SPTB: variants seen among roughly 807,000 people sequenced by gnomAD.
SPTB encodes the protein spectrin beta, erythrocytic.
A neutral mutation model predicts 256.2 loss-of-function variants in SPTB; 45 were observed. The observed-to-expected ratio is 0.18, with a 90% CI of 0.14 to 0.23. The LOEUF is 0.23. SPTB is among the 10% of genes least tolerant of loss of function. The pLI is 1.00. For synonymous variants in SPTB, 1,231 were observed against 1,243.1 expected (o/e 0.99, Z 0.21); for missense variants, 2,715 against 3,040.4 (o/e 0.89, Z 2.52).
At chr14:64,794,641 G>A in intron 12 of SPTB, 24 bp from the exon 13 acceptor site, 2 of 1,611,402 alleles carry the variant, frequency 1.2e-6, no homozygotes, top group Non-Finnish European at 1.7e-6. Context: ...CAGCAGAAAG[G>A]AAATGAGGAG....
intron 1 of SPTB, among the ~76,000 whole-genome samples, chr14:64,855,614 A>G (rs2083860693): frequency 5.9e-5 from 1 of 16,872 alleles, no homozygotes; most frequent in African/African-American, 1.9e-4. Flanking sequence ...AACACAATGT[A>G]ATTCCTGAGA....
At chr14:64,761,698 C>T (rs954744059) in intron 32 of SPTB, among the ~76,000 whole-genome samples, 1 of 152,142 alleles carries the variant, frequency 6.6e-6, no homozygotes, top group African/African-American at 2.4e-5. Flanking sequence ...GAGGCTTCCT[C>T]GGGAGCTGTC....
At chr14:64,769,386 T>C (rs1389926041) in intron 28 of SPTB, among the ~76,000 whole-genome samples, 1 of 152,190 alleles carries the variant, frequency 6.6e-6, no homozygotes, top group African/African-American at 2.4e-5. Flanking sequence ...TCTCCGTTAC[T>C]GAGTGGCCAG....
In SPTB at chr14:64,778,389, TCTCCTTG is replaced by T. The variant is rs2082398902; in HGVS notation, c.4563+761_4563+767del. On this transcript the variant is annotated intron_variant, in intron 22 of 35. Coordinates refer to ENST00000644917, the MANE Select transcript of SPTB (RefSeq NM_001355436.2). This position sits in a 1 kb window ranked among gnomAD's most constrained non-coding sequence, Gnocchi z 5.2. ...TTATCTGGGATCTAAGTTCCTGGGC[TCTCCTTG>T]CTGACCCAGAGAGCATGCAGAGGGA... Among the ~76,000 whole-genome samples the T allele has an allele frequency of 2.0e-5, 3 of 152,110 alleles. No individual in the cohort carries two copies. The highest frequency in any genetic ancestry group is 4.4e-5 in the Non-Finnish European group (3 of 68,022).
chr14:64,749,189 C>A lies in SPTB; in HGVS notation c.*117G>T, dbSNP rs996925338. ...CAGTGCAGCGTGGGGCCCGGGGGCC[C>A]GGCCCGCGACTCGACTCATCTCGAT... On this transcript the variant is annotated 3_prime_UTR_variant, in exon 36 of 36. Transcript: ENST00000644917. This position sits in a 1 kb window ranked among gnomAD's most constrained non-coding sequence, Gnocchi z 4.7. The A allele has an allele frequency of 3.8e-6, 5 of 1,299,964 alleles. No individual in the cohort carries two copies. Among genetic ancestry groups the A allele is most frequent in the Non-Finnish European group, 5.3e-6 (5 of 949,972 alleles). The allele number at this position is 1,299,964 out of a possible 1,614,324, so 80.5% of individuals were successfully genotyped here.
Position 64,825,628 on chromosome 14 carries a change from G to A in SPTB, c.-51-2483C>T, listed in dbSNP as rs2083368081. 1.3e-5 allele frequency among the ~76,000 whole-genome samples: 2 copies of A among 152,226 alleles called. No homozygotes were observed. Among genetic ancestry groups the A allele is most frequent in the Non-Finnish European group, 2.9e-5 (2 of 68,042 alleles). On this transcript the variant is annotated intron_variant, in intron 1 of 35. Coordinates refer to ENST00000644917, the MANE Select transcript of SPTB (RefSeq NM_001355436.2). This position sits in a 1 kb window ranked among gnomAD's most constrained non-coding sequence, Gnocchi z 4.8. Reference sequence around the variant, plus strand: ...GAGGTGAGGTGAGATCAGACCCTGAGTGCAGGAAGTAACCGGACCCTGGCT... The same window carrying A: ...GAGGTGAGGTGAGATCAGACCCTGAATGCAGGAAGTAACCGGACCCTGGCT...
chr14:64,801,237 C>T, intron 7 of SPTB, 48 bp downstream of exon 7: 1 of 1,504,120 alleles, frequency 6.6e-7, no homozygotes, highest in Non-Finnish European at 9.2e-7. Flanking sequence ...ACAGCGAGTG[C>T]ATCCCCCACT....
Position 64,764,336 on chromosome 14 carries a change from G to A in SPTB, c.6345+2390C>T, listed in dbSNP as rs529281114. Among the ~76,000 whole-genome samples the A allele has an allele frequency of 6.6e-6, 1 of 152,342 alleles. No homozygotes were observed. The highest frequency in any genetic ancestry group is 1.9e-4 in the East Asian group (1 of 5,182). On this transcript the variant is annotated intron_variant, in intron 32 of 35. Transcript: ENST00000644917. This position sits in a 1 kb window ranked among gnomAD's most constrained non-coding sequence, Gnocchi z 4.2. ...GTATTAGGCCCTCCCTCTGAGGTTCGTGGATCCCCATGAGAACTTAACAAA... is the reference window on the plus strand; with the variant it reads ...GTATTAGGCCCTCCCTCTGAGGTTCATGGATCCCCATGAGAACTTAACAAA...
chr14:64,799,782 G>A lies in SPTB; in HGVS notation c.1029C>T (p.Ala343=). The change falls in exon 9 of 36, where the codon GCC becomes GCT. Residue 343 remains alanine, a synonymous_variant. Coordinates refer to ENST00000644917, the MANE Select transcript of SPTB (RefSeq NM_001355436.2). The part of the protein sequence containing the change: ...SLTGVQQQLQ[A]FSTYRTVEKP... ...TCTCCACGGTGCGGTAGGTGCTGAAGGCCTGCAGCTGCTGCTGGACGCCCG... is the reference window on the plus strand; with the variant it reads ...TCTCCACGGTGCGGTAGGTGCTGAAAGCCTGCAGCTGCTGCTGGACGCCCG... 1 of 1,614,212 alleles carries A rather than the reference G, an allele frequency of 6.2e-7. No individual in the cohort carries two copies. The highest frequency in any genetic ancestry group is 8.5e-7 in the Non-Finnish European group (1 of 1,180,028).
chr14:64,818,400 A>T (rs1418226493), intron 2 of SPTB, among the ~76,000 whole-genome samples: 2 of 151,904 alleles, frequency 1.3e-5, no homozygotes, highest in East Asian at 3.9e-4. Context: ...AAGGCAGGGG[A>T]GTGGAAGGAG....
Position 64,786,950 on chromosome 14 carries a change from G to A in SPTB, c.3015C>T (p.Ala1005=), listed in dbSNP as rs147235045. The part of the protein sequence containing the change: ...RKLSGLERDV[A]AIQARVDALE... The stretch of plus-strand genomic sequence containing the variant: ...GGGCATCCACACGGGCCTGGATGGC[G>A]GCCACGTCACGCTCCAGCCCTGACA... The change falls in exon 16 of 36, where the codon GCC becomes GCT. Residue 1005 remains alanine (A), a synonymous_variant. Transcript: ENST00000644917. The surrounding 1 kb of genome is among the most constrained non-coding windows in gnomAD (Gnocchi z 5.6). The A allele has an allele frequency of 1.5e-3, 2,468 of 1,613,784 alleles. 5 individuals are homozygous for A. The highest frequency in any genetic ancestry group is 3.5e-3 in the Middle Eastern group (21 of 6,062).
chr14:64,791,894 C>A, intron 14 of SPTB, 38 bp from the exon 15 acceptor site: 1 of 1,613,162 alleles, frequency 6.2e-7, no homozygotes, highest in South Asian at 1.1e-5. Flanking sequence ...ATGGGTGAGG[C>A]GGCAGCAGAC....
Position 64,766,818 on chromosome 14 carries a change from C to T in SPTB, c.6270-17G>A, listed in dbSNP as rs1422043733. The stretch of plus-strand genomic sequence containing the variant: ...TCTTGAGGCCTAAGGAAGACACAGT[C>T]TCTCTTTAGAAACAAGCACCCCTCT... On this transcript the variant is annotated splice_polypyrimidine_tract_variant and intron_variant, in intron 31 of 35. Transcript: ENST00000644917. The T allele has an allele frequency of 1.9e-6, 3 of 1,609,194 alleles. No individual in the cohort carries two copies. The highest frequency in any genetic ancestry group is 3.3e-4 in the Middle Eastern group (2 of 6,046).
At chr14:64,831,347 A>T (rs1566792200) in intron 1 of SPTB, among the ~76,000 whole-genome samples, 1 of 152,178 alleles carries the variant, frequency 6.6e-6, no homozygotes, top group African/African-American at 2.4e-5. Flanking sequence ...CCTTCTTACC[A>T]TCTTCTCTCT....
rs1280549986 is a variant in SPTB, at chr14:64,786,306, G to C, written c.3561+98C>G. 6.7e-7 allele frequency: 1 copy of C among 1,483,680 alleles called. No homozygotes were observed. The highest frequency in any genetic ancestry group is 1.4e-5 in the African/African-American group (1 of 72,524). The allele number at this position is 1,483,680 out of a possible 1,614,324, so 91.9% of individuals were successfully genotyped here. On this transcript the variant is annotated intron_variant, in intron 16 of 35. Coordinates refer to ENST00000644917, the MANE Select transcript of SPTB (RefSeq NM_001355436.2). The surrounding 1 kb of genome is among the most constrained non-coding windows in gnomAD (Gnocchi z 5.6). ...AGTGAATACAGAGTACAAGACAAGAGTAATGTGGTCCCTGAGTCTTACAGC... is the reference window on the plus strand; with the variant it reads ...AGTGAATACAGAGTACAAGACAAGACTAATGTGGTCCCTGAGTCTTACAGC...
intron 1 of SPTB, among the ~76,000 whole-genome samples, chr14:64,849,540 C>T (rs1325450143): frequency 1.3e-5 from 2 of 152,180 alleles, no homozygotes; most frequent in African/African-American, 4.8e-5. Context: ...TCAACTCAGA[C>T]AAAACAATAT....
Position 64,823,050 on chromosome 14 carries a change from A to G in SPTB, c.45T>C (p.Pro15=). The change falls in exon 2 of 36, where the codon CCT becomes CCC. Residue 15 remains proline (P), a synonymous_variant. Coordinates refer to ENST00000644917, the MANE Select transcript of SPTB (RefSeq NM_001355436.2). The surrounding 1 kb of genome is among the most constrained non-coding windows in gnomAD (Gnocchi z 6.5). Reference sequence around the variant, plus strand: ...CCCAGCGGGCATTGATCCTGCTGTAAGGTGGCTGGTTGCCCACATTTTCAA... The same window carrying G: ...CCCAGCGGGCATTGATCCTGCTGTAGGGTGGCTGGTTGCCCACATTTTCAA... ...TEFENVGNQP[P]YSRINARWDA... The G allele has an allele frequency of 6.2e-7, 1 of 1,614,202 alleles. No homozygotes were observed. The highest frequency in any genetic ancestry group is 8.5e-7 in the Non-Finnish European group (1 of 1,180,042).
Position 64,769,025 on chromosome 14 carries a change from T to C in SPTB, c.6022+9A>G. On this transcript the variant is annotated intron_variant, in intron 29 of 35. Coordinates refer to ENST00000644917, the MANE Select transcript of SPTB (RefSeq NM_001355436.2). ...TGCCCCTGGGCCCTGGCTCCAGGGC[T>C]GTACTCACACATGCGGAGCCGCTCC... 6.2e-7 allele frequency: 1 copy of C among 1,611,370 alleles called. No homozygotes were observed. Among genetic ancestry groups the C allele is most frequent in the South Asian group, 1.1e-5 (1 of 91,066 alleles).
Position 64,854,161 on chromosome 14 carries a change from C to T in SPTB, c.-52+25631G>A, listed in dbSNP as rs182660544. Among the ~76,000 whole-genome samples the T allele has an allele frequency of 3.0e-3, 450 of 151,600 alleles. 7 individuals carry two copies. Among genetic ancestry groups the T allele is most frequent in the Middle Eastern group, 0.017 (5 of 294 alleles). ...GAGCCAAGATCGTGCCACTGCACTC[C>T]AGCCTGGGCGACAGAGTGAGACTCC... On this transcript the variant is annotated intron_variant, in intron 1 of 35. Transcript: ENST00000644917.
Sources: gnomAD v4.1 joint callset for allele counts (sites outside exome capture counted in the v4.1 genomes callset) on GRCh38, gnomAD v4.1.1 for gene constraint, Gnocchi (gnomAD v3.1) non-coding constraint, MANE v1.5 for transcripts, NCBI Gene and HGNC (gene_info 2026-07-23, HGNC 2026-07-21) for gene names.